Variants in ABI2 observed in about 807,000 individuals in gnomAD.
The protein encoded by ABI2 is abelson interactor 2.
Under a neutral mutation model 59.2 loss-of-function variants are expected in ABI2, and 25 were observed. The ratio of observed to expected loss-of-function variants is 0.42; its 90% confidence interval spans 0.31 to 0.59. The LOEUF is 0.59. ABI2 is among the 20% of genes least tolerant of loss of function. ABI2 has a pLI of 0.14. For synonymous variants in ABI2, 213 were observed against 235.5 expected (o/e 0.90, Z 0.87); for missense variants, 545 against 681.8 (o/e 0.80, Z 2.23).
intron 2 of ABI2, chr2:203,375,996 G>C: frequency 7.8e-7 from 1 of 1,288,696 alleles, no homozygotes. Flanking sequence ...ACCGTTGTTA[G>C]ATTACCTTTA....
chr2:203,356,496 G>A (rs1351183830), intron 1 of ABI2, among the ~76,000 whole-genome samples: 2 of 152,138 alleles, frequency 1.3e-5, no homozygotes, highest in Non-Finnish European at 2.9e-5. Flanking sequence ...AGCCTCCCGA[G>A]TAGCTGGGAC....
chr2:203,354,399 C>T (rs1187582024), intron 1 of ABI2, among the ~76,000 whole-genome samples: 3 of 152,044 alleles, frequency 2.0e-5, no homozygotes, highest in African/African-American at 4.8e-5. Flanking sequence ...ATTTTTTTGA[C>T]TTGCTTAGTT....
At chr2:203,409,455 TATATC>T (rs1006030615) in intron 9 of ABI2, among the ~76,000 whole-genome samples, 1 of 152,206 alleles carries the variant, frequency 6.6e-6, no homozygotes, top group African/African-American at 2.4e-5. Flanking sequence ...TCAACCCAAA[TATATC>T]ATATCATTAT....
rs1180496552 is a variant in ABI2, at chr2:203,370,872, AG to A, written c.285+3831del. Among the ~76,000 whole-genome samples the A allele has an allele frequency of 1.9e-4, 29 of 152,302 alleles. No individual in the cohort carries two copies. In the East Asian group the frequency reaches 5.6e-3, roughly 30 times the overall value. ...TAGGACTAGTAGATACTAGTTATCT[AG>A]GGTATTGAGTTTCTTTTCCCATTAG... On this transcript the variant is annotated intron_variant, in intron 2 of 11. Transcript: ENST00000261018.
intron 1 of ABI2, 128 bp from the exon 2 acceptor site, chr2:203,366,749 C>T (rs1577262286): frequency 1.1e-6 from 1 of 871,820 alleles, no homozygotes. Flanking sequence ...GTTTTCAATT[C>T]TGGTGGATTA....
intron 1 of ABI2, among the ~76,000 whole-genome samples, chr2:203,355,490 C>T (rs1050303488): frequency 3.3e-5 from 5 of 151,440 alleles, no homozygotes; most frequent in Admixed American, 2.0e-4. Context: ...CTAGCCTGGG[C>T]GACAGAGCAG....
intron 11 of ABI2, among the ~76,000 whole-genome samples, chr2:203,421,542 C>CT (rs976160776): frequency 4.6e-5 from 7 of 152,114 alleles, no homozygotes; most frequent in African/African-American, 1.7e-4. Context: ...GTGTTTTGTA[C>CT]TTTAAGACAG....
intron 2 of ABI2, among the ~76,000 whole-genome samples, chr2:203,369,276 A>T (rs1452132252): frequency 6.6e-6 from 1 of 152,144 alleles, no homozygotes; most frequent in East Asian, 1.9e-4. Context: ...GTTAAAAAAA[A>T]GAACAAATAT....
intron 1 of ABI2, among the ~76,000 whole-genome samples, chr2:203,352,157 T>C (rs1271836085): frequency 6.6e-6 from 1 of 152,174 alleles, no homozygotes; most frequent in Non-Finnish European, 1.5e-5. Context: ...CATATAGATG[T>C]AGCAGCTGGT....
At chr2:203,364,980 C>A (rs186325865) in intron 1 of ABI2, among the ~76,000 whole-genome samples, 1 of 151,970 alleles carries the variant, frequency 6.6e-6, no homozygotes, top group Admixed American at 6.6e-5. Context: ...GCAATGCTCC[C>A]GCCTCAGCCT....
At position 203,429,941 on chromosome 2, in the gene ABI2, A is replaced by T. The variant is rs1029754544; in HGVS notation, c.*2589A>T. On this transcript the variant is annotated 3_prime_UTR_variant, in exon 12 of 12. Coordinates refer to ENST00000261018, the MANE Select transcript of ABI2 (RefSeq NM_001375670.1). ...AAGACCTGTGGTTGGGAGCAGGGGT[A>T]GTCCATGGGTCTGCTGATTTTTTTT... 2.0e-5 allele frequency: 3 copies of T among 152,062 alleles called. No individual in the cohort carries two copies. The highest frequency in any genetic ancestry group is 7.2e-5 in the African/African-American group (3 of 41,408). 9.4% of individuals were successfully genotyped at this position (152,062 alleles called of 1,614,324 possible). A position where few individuals can be genotyped will look rare whatever the true frequency, so the allele number is the denominator to read the frequency against.
At chr2:203,394,666 T>TAATC (rs1183612108) in intron 5 of ABI2, 34 bp from the exon 6 acceptor site, 14 of 1,586,470 alleles carry the variant, frequency 8.8e-6, no homozygotes, top group Non-Finnish European at 1.1e-5. Flanking sequence ...GAAACTTGCT[T>TAATC]AATCATACAA....
chr2:203,402,804 T>C, intron 9 of ABI2, 70 bp downstream of exon 9: 1 of 1,354,480 alleles, frequency 7.4e-7, no homozygotes, highest in Non-Finnish European at 9.9e-7. Context: ...CAAAAAACCC[T>C]TAATTACAAA....
chr2:203,356,707 T>C (rs1210926560), intron 1 of ABI2, among the ~76,000 whole-genome samples: 1 of 152,170 alleles, frequency 6.6e-6, no homozygotes, highest in African/African-American at 2.4e-5. Flanking sequence ...TGTCTCACCA[T>C]GTTGCCCAGT....
rs1559327419 is a variant in ABI2 at position 203,396,835 on chromosome 2, G to T, written c.901G>T (p.Ala301Ser). 2.6e-6 allele frequency: 4 copies of T among 1,534,538 alleles called. No individual in the cohort carries two copies. Among genetic ancestry groups the T allele is most frequent in the Non-Finnish European group, 3.5e-6 (4 of 1,146,330 alleles). ...TCCCCTTCCTGCTACTTCTGCATCT[G>T]CCCCTGCTCCTCTTGTTCCTGCTAC... is the stretch of plus-strand genomic sequence containing the variant. ...TPPLPATSAS[A>S]PAPLVPATVP... Residue 301 changes from alanine to serine, a missense_variant, in exon 8 of 12, where the codon GCC (alanine) becomes TCC (serine). This residue lies in a region of ABI2 where 410 missense variants were observed against 435.6 expected (regional missense o/e 0.94). Transcript: ENST00000261018.
At chr2:203,357,010 ACTT>A (rs2092279614) in intron 1 of ABI2, among the ~76,000 whole-genome samples, 1 of 150,070 alleles carries the variant, frequency 6.7e-6, no homozygotes, top group Non-Finnish European at 1.5e-5. Flanking sequence ...AAAAACGATT[ACTT>A]CTTCAAATAA....
intron 11 of ABI2, among the ~76,000 whole-genome samples, chr2:203,423,496 G>T (rs2098305297): frequency 1.3e-5 from 2 of 152,146 alleles, no homozygotes; most frequent in African/African-American, 4.8e-5. Context: ...TGCAATCTCG[G>T]CTCACTGCAA....
At chr2:203,362,937 T>A (rs1479359825) in intron 1 of ABI2, among the ~76,000 whole-genome samples, 1 of 152,146 alleles carries the variant, frequency 6.6e-6, no homozygotes, top group Non-Finnish European at 1.5e-5. Context: ...TTCAAGTGAT[T>A]CTCCTGCCTC....
chr2:203,391,004 A>G, intron 4 of ABI2, 42 bp from the exon 5 acceptor site: 2 of 1,523,728 alleles, frequency 1.3e-6, no homozygotes, highest in Non-Finnish European at 9.1e-7. Context: ...GTGCCACTTT[A>G]TTTCACTGCA....
Sources: gnomAD v4.1 joint callset for allele counts (sites outside exome capture counted in the v4.1 genomes callset) on GRCh38, gnomAD v4.1.1 for gene constraint, gnomAD v4.1.1 regional missense constraint, MANE v1.5 for transcripts, NCBI Gene and HGNC (gene_info 2026-07-23, HGNC 2026-07-21) for gene names.